DGKI: variants seen among roughly 807,000 people sequenced by gnomAD.
DGKI encodes diacylglycerol kinase iota, also known as DAG kinase iota.
DGKI carries 55 observed loss-of-function variants against 147.5 expected under a neutral mutation model. That is an observed-to-expected ratio of 0.37 (90% CI 0.30 to 0.47). The LOEUF (loss-of-function observed/expected upper bound fraction) is 0.47. Ranked by LOEUF, DGKI falls within the 20% of genes least tolerant of loss-of-function variation. DGKI has a pLI of 1.00. For missense variants in DGKI, 1,007 were observed against 1,323.8 expected, an observed-to-expected ratio of 0.76 and a Z score of 3.71; for synonymous variants, 469 against 477.1, an observed-to-expected ratio of 0.98 and a Z score of 0.22.
At chr7:137,463,804 G>A (rs1814546618) in intron 26 of DGKI, among the ~76,000 whole-genome samples, 193 bp from the exon 27 acceptor site, 1 of 152,088 alleles carries the variant, frequency 6.6e-6, no homozygotes, top group Non-Finnish European at 1.5e-5. Context: ...GTATGATTCT[G>A]TCCCCTTCAC....
intron 6 of DGKI, among the ~76,000 whole-genome samples, chr7:137,630,358 A>T (rs1458163216): frequency 3.3e-5 from 5 of 152,134 alleles, no homozygotes; most frequent in Admixed American, 6.6e-5. Context: ...AATCAAAGCC[A>T]ATCACCCCCA....
rs1039628669 is a variant in DGKI, at chr7:137,573,390, T to C, written c.1762-552A>G. ...TTTTGAAAAGATATCTATCATACAG[T>C]AGTATTATCTTCATTCGTGGTTTGT... On this transcript the variant is annotated intron_variant, in intron 17 of 32. Coordinates refer to ENST00000614521, the MANE Select transcript of DGKI (RefSeq NM_001321708.2). 2.6e-5 allele frequency among the ~76,000 whole-genome samples: 4 copies of C among 152,312 alleles called. No homozygotes were observed. The East Asian group carries it at 7.7e-4, about 29-fold the overall frequency.
At chr7:137,714,964 A>G (rs150260161) in intron 1 of DGKI, among the ~76,000 whole-genome samples, 1 of 152,278 alleles carries the variant, frequency 6.6e-6, no homozygotes, top group East Asian at 1.9e-4. Flanking sequence ...CTTAGCTTCT[A>G]GGCATTCATA....
chr7:137,713,080 C>T (rs760146699), intron 1 of DGKI, among the ~76,000 whole-genome samples: 2 of 152,170 alleles, frequency 1.3e-5, no homozygotes, highest in African/African-American at 2.4e-5. Context: ...ATGGGACCAT[C>T]GTTCCAGTCT....
chr7:137,615,773 T>C (rs959292102), intron 8 of DGKI, among the ~76,000 whole-genome samples: 1 of 152,142 alleles, frequency 6.6e-6, no homozygotes, highest in Admixed American at 6.6e-5. Context: ...ACAATGACTT[T>C]TCTCCTTGTT....
At chr7:137,536,361 G>C (rs1267450901) in intron 20 of DGKI, among the ~76,000 whole-genome samples, 1 of 152,086 alleles carries the variant, frequency 6.6e-6, no homozygotes, top group Non-Finnish European at 1.5e-5. Flanking sequence ...AGGTGCTTAG[G>C]TACATATTAT....
chr7:137,422,259 C>G (rs1355095198), intron 28 of DGKI, among the ~76,000 whole-genome samples: 1 of 152,234 alleles, frequency 6.6e-6, no homozygotes, highest in Non-Finnish European at 1.5e-5. Flanking sequence ...CAGCATGTCA[C>G]TTTCAACCTG....
intron 27 of DGKI, among the ~76,000 whole-genome samples, chr7:137,460,363 T>C (rs1436444973): frequency 6.6e-6 from 1 of 152,224 alleles, no homozygotes; most frequent in Non-Finnish European, 1.5e-5. Context: ...AAACAATTTA[T>C]AGCATATGTA....
chr7:137,796,356 TG>T (rs1797029441), intron 1 of DGKI, among the ~76,000 whole-genome samples: 1 of 152,024 alleles, frequency 6.6e-6, no homozygotes, highest in African/African-American at 2.4e-5. Flanking sequence ...AAAAATTAGC[TG>T]GGCATGGTGG....
chr7:137,846,094 C>G lies in DGKI; in HGVS notation c.401+368G>C, dbSNP rs1053854356. Among the ~76,000 whole-genome samples the G allele has an allele frequency of 2.0e-5, 3 of 150,270 alleles. No homozygotes were observed. Among genetic ancestry groups the G allele is most frequent in the Non-Finnish European group, 4.4e-5 (3 of 67,608 alleles). ...ACTTTGACGACTTCTCTTAAGAAAA[C>G]TAAGCATCACTGAGTCTGCAACCCT... is the stretch of plus-strand genomic sequence containing the variant. On this transcript the variant is annotated intron_variant, in intron 1 of 32. Transcript: ENST00000614521. This position sits in a 1 kb window ranked among gnomAD's most constrained non-coding sequence, Gnocchi z 4.0.
intron 20 of DGKI, among the ~76,000 whole-genome samples, chr7:137,545,634 A>G (rs543576669): frequency 6.6e-6 from 1 of 152,348 alleles, no homozygotes; most frequent in Admixed American, 6.5e-5. Context: ...AATGCTTAGC[A>G]TGGAATTCTA....
chr7:137,766,762 G>C (rs892295251), intron 1 of DGKI, among the ~76,000 whole-genome samples: 1 of 152,166 alleles, frequency 6.6e-6, no homozygotes, highest in Non-Finnish European at 1.5e-5. Context: ...GGTGGTGCAT[G>C]GGTAAACGTG....
intron 6 of DGKI, among the ~76,000 whole-genome samples, chr7:137,638,746 T>C (rs1821511787): frequency 6.7e-6 from 1 of 149,658 alleles, no homozygotes; most frequent in African/African-American, 2.4e-5. Flanking sequence ...TGTAAATAAC[T>C]ATAACATGTT....
chr7:137,759,101 C>T (rs1307408501), intron 1 of DGKI, among the ~76,000 whole-genome samples: 1 of 151,492 alleles, frequency 6.6e-6, no homozygotes, highest in East Asian at 1.9e-4. Context: ...TTTTTCAACC[C>T]CCTCCCTCTC....
At chr7:137,691,809 T>TTTTTTTTTTTTTTTTTTTG (rs1290595066) in intron 1 of DGKI, among the ~76,000 whole-genome samples, 2 of 141,010 alleles carry the variant, frequency 1.4e-5, no homozygotes, top group African/African-American at 5.6e-5. Context: ...TTTTTTTTTT[T>TTTTTTTTTTTTTTTTTTTG]TTTTTTTTTT....
At chr7:137,618,151 A>ATATATATATATATATATATATATATATAT in intron 8 of DGKI, among the ~76,000 whole-genome samples, 8 of 10,462 alleles carry the variant, frequency 7.6e-4, no homozygotes, top group Non-Finnish European at 3.6e-3. Context: ...ATATATATAT[A>ATATATATATATATATATATATATATATAT]TTTTTTTTTT....
chr7:137,624,274 AT>A (rs955088738), intron 6 of DGKI, among the ~76,000 whole-genome samples: 4 of 152,292 alleles, frequency 2.6e-5, no homozygotes, highest in African/African-American at 9.6e-5. Flanking sequence ...TGCACAAAGA[AT>A]TTTTTTAGCC....
Position 137,430,669 on chromosome 7 carries a change from A to G in DGKI, c.2761+13408T>C, listed in dbSNP as rs1198294388. Among the ~76,000 whole-genome samples, 4 of 152,198 alleles carry G rather than the reference A, an allele frequency of 2.6e-5. No homozygotes were observed. In the East Asian group the frequency reaches 7.7e-4, roughly 29 times the overall value. On this transcript the variant is annotated intron_variant, in intron 28 of 32. Transcript: ENST00000614521. ...GATTGCTAAAGAAATAGAGTGATGT[A>G]GAGAATGATTTCCTAGAGAAGGTAA...
At chr7:137,532,024 C>T (rs555937471) in intron 20 of DGKI, among the ~76,000 whole-genome samples, 8 of 42,262 alleles carry the variant, frequency 1.9e-4, no homozygotes, top group South Asian at 2.9e-3. Flanking sequence ...ATTTCATCTA[C>T]AAACCAATAG....
Sources: gnomAD v4.1 joint callset for allele counts (sites outside exome capture counted in the v4.1 genomes callset) on GRCh38, gnomAD v4.1.1 for gene constraint, Gnocchi (gnomAD v3.1) non-coding constraint, MANE v1.5 for transcripts, NCBI Gene and HGNC (gene_info 2026-07-23, HGNC 2026-07-21) for gene names.